The following DNM3 variants were observed in gnomAD, a reference collection of about 807,000 sequenced individuals.
DNM3 encodes dynamin-3.
Under a neutral mutation model 101.6 loss-of-function variants are expected in DNM3, and 47 were observed. The ratio of observed to expected loss-of-function variants is 0.46; its 90% CI spans 0.37 to 0.59. The LOEUF (loss-of-function observed/expected upper bound fraction) is 0.59, where lower values mean the gene tolerates loss of function less well. DNM3 is among the 20% of genes least tolerant of loss of function. The pLI is 0.00. For missense variants in DNM3, 849 were observed against 1,085.7 expected, an observed-to-expected ratio of 0.78 and a Z score of 3.06; for synonymous variants, 385 against 387.9, an observed-to-expected ratio of 0.99 and a Z score of 0.09.
chr1:171,863,625 A>C (rs1387705924), intron 1 of DNM3, among the ~76,000 whole-genome samples: 3 of 152,134 alleles, frequency 2.0e-5, no homozygotes, highest in Non-Finnish European at 4.4e-5. Flanking sequence ...AGTTTCCTTC[A>C]TGGTCTGCCA....
rs1233740341 is a variant in DNM3, at chr1:172,411,005, C to T, written c.*3164C>T. The T allele has an allele frequency of 9.1e-6, 9 of 984,810 alleles. No individual in the cohort carries two copies. The highest frequency in any genetic ancestry group is 6.2e-5 in the Admixed American group (1 of 16,216). 61.0% of individuals were successfully genotyped at this position (984,810 alleles called of 1,614,324 possible). On this transcript the variant is annotated 3_prime_UTR_variant, in exon 21 of 21. Coordinates refer to ENST00000627582, the MANE Select transcript of DNM3 (RefSeq NM_015569.5). ...TTCTGTAAGTATGTGTATTTTATGT[C>T]CATTTGAGTAGGTAGGTAGGTTTTA...
At chr1:172,076,279 CCT>C (rs2052640014) in intron 11 of DNM3, among the ~76,000 whole-genome samples, 1 of 152,184 alleles carries the variant, frequency 6.6e-6, no homozygotes, top group South Asian at 2.1e-4. Context: ...AATTTAACTT[CCT>C]CTCTTTTTAT....
At chr1:172,306,563 C>T (rs997706532) in intron 15 of DNM3, among the ~76,000 whole-genome samples, 13 of 152,188 alleles carry the variant, frequency 8.5e-5, no homozygotes, top group Non-Finnish European at 1.9e-4. Context: ...AAAGAGCCCG[C>T]ATTGCCAAGA....
At chr1:172,361,572 C>T (rs1045829903) in intron 17 of DNM3, among the ~76,000 whole-genome samples, 2 of 151,892 alleles carry the variant, frequency 1.3e-5, no homozygotes, top group Non-Finnish European at 2.9e-5. Context: ...CTGGCTTCAC[C>T]CCAGACCAAT....
intron 20 of DNM3, among the ~76,000 whole-genome samples, chr1:172,396,479 C>A (rs1229542312): frequency 6.6e-6 from 1 of 152,190 alleles, no homozygotes; most frequent in African/African-American, 2.4e-5. Context: ...CCCATTCCTT[C>A]CCTGCTTCTT....
intron 13 of DNM3, among the ~76,000 whole-genome samples, chr1:172,111,928 T>A (rs1428834165): frequency 1.3e-5 from 2 of 152,168 alleles, no homozygotes; most frequent in East Asian, 1.9e-4. Flanking sequence ...GGTGATGATG[T>A]CCATATTGCA....
intron 2 of DNM3, among the ~76,000 whole-genome samples, chr1:171,932,138 CTTTCCTTCTTTCCTCA>C (rs2041073956): frequency 7.0e-6 from 1 of 143,138 alleles, no homozygotes. Flanking sequence ...TTCTCTCTTT[CTTTCCTTCTTTCCTCA>C]TTTTTGAGAT....
At chr1:171,980,844 C>T (rs2044739767) in intron 2 of DNM3, among the ~76,000 whole-genome samples, 1 of 146,840 alleles carries the variant, frequency 6.8e-6, no homozygotes, top group South Asian at 2.2e-4. Context: ...GATCTAGGCT[C>T]ACTGCAACCT....
At chr1:171,955,817 C>T (rs2042816589) in intron 2 of DNM3, among the ~76,000 whole-genome samples, 2 of 152,132 alleles carry the variant, frequency 1.3e-5, no homozygotes, top group African/African-American at 4.8e-5. Flanking sequence ...GTTTAATGGA[C>T]TCATAGTTCC....
intron 13 of DNM3, among the ~76,000 whole-genome samples, chr1:172,105,000 T>C (rs2054910565): frequency 6.6e-6 from 1 of 152,230 alleles, no homozygotes; most frequent in South Asian, 2.1e-4. Context: ...CATCTACCTC[T>C]TAGAGTTGTT....
Position 171,921,357 on chromosome 1 carries a change from G to A in DNM3, c.162-391G>A, listed in dbSNP as rs144385214. Among the ~76,000 whole-genome samples the A allele has an allele frequency of 2.0e-3, 301 of 152,192 alleles. 2 individuals are homozygous for A. The highest frequency in any genetic ancestry group is 7.0e-3 in the African/African-American group (291 of 41,536). The stretch of plus-strand genomic sequence containing the variant: ...AATATTGATCTTGAGGCCAAAGAGC[G>A]TACTGGGTTTTTTAATTATCAAAAA... On this transcript the variant is annotated intron_variant, in intron 1 of 20. Coordinates refer to ENST00000627582, the MANE Select transcript of DNM3 (RefSeq NM_015569.5).
At chr1:171,963,242 A>G (rs2043335230) in intron 2 of DNM3, among the ~76,000 whole-genome samples, 1 of 152,170 alleles carries the variant, frequency 6.6e-6, no homozygotes, top group Non-Finnish European at 1.5e-5. Context: ...CATGGAGAAA[A>G]CTTAATGCAT....
At chr1:172,305,879 T>C (rs2064784612) in intron 15 of DNM3, among the ~76,000 whole-genome samples, 1 of 152,200 alleles carries the variant, frequency 6.6e-6, no homozygotes, top group Admixed American at 6.5e-5. Context: ...ATGGAATGTA[T>C]CTCAAAATAA....
At chr1:172,204,289 T>C (rs1279757527) in intron 14 of DNM3, among the ~76,000 whole-genome samples, 5 of 93,202 alleles carry the variant, frequency 5.4e-5, no homozygotes, top group Non-Finnish European at 2.0e-5. Context: ...ATACAAGCAG[T>C]GCATTATTTG....
intron 2 of DNM3, among the ~76,000 whole-genome samples, chr1:171,932,739 T>A (rs1438013231): frequency 1.3e-5 from 2 of 152,206 alleles, no homozygotes; most frequent in Non-Finnish European, 2.9e-5. Context: ...TTTATTCTCT[T>A]GGGTATTTTA....
intron 14 of DNM3, among the ~76,000 whole-genome samples, chr1:172,135,496 TTTTG>T (rs1275272536): frequency 6.6e-6 from 1 of 152,120 alleles, no homozygotes; most frequent in Admixed American, 6.6e-5. Flanking sequence ...GTTTTTTTGT[TTTTG>T]TTTTTGTTTT....
chr1:172,064,668 T>TTA (rs1477432327), intron 10 of DNM3, among the ~76,000 whole-genome samples: 1 of 152,074 alleles, frequency 6.6e-6, no homozygotes, highest in Admixed American at 6.6e-5. Context: ...TTGGGACTAT[T>TTA]TATATATATT....
chr1:171,962,412 G>A (rs2043277825), intron 2 of DNM3, among the ~76,000 whole-genome samples: 1 of 152,116 alleles, frequency 6.6e-6, no homozygotes, highest in Non-Finnish European at 1.5e-5. Context: ...GAGAATTATT[G>A]TTTAGGAGAA....
chr1:172,373,244 C>G (rs2068438534), intron 17 of DNM3, among the ~76,000 whole-genome samples: 1 of 152,018 alleles, frequency 6.6e-6, no homozygotes, highest in Non-Finnish European at 1.5e-5. Flanking sequence ...CATCTTTAGT[C>G]TCCTGTCACC....
Sources: gnomAD v4.1 joint callset for allele counts (sites outside exome capture counted in the v4.1 genomes callset) on GRCh38, gnomAD v4.1.1 for gene constraint, MANE v1.5 for transcripts, NCBI Gene and HGNC (gene_info 2026-07-23, HGNC 2026-07-21) for gene names.